The following DHX15 variants were observed in gnomAD, a reference collection of about 807,000 sequenced individuals.
DHX15 encodes the protein ATP-dependent RNA helicase DHX15.
DHX15 carries 11 observed loss-of-function variants against 94.4 expected under a neutral mutation model. The ratio of observed to expected loss-of-function variants is 0.12; its 90% CI spans 0.07 to 0.19. The LOEUF (loss-of-function observed/expected upper bound fraction) is 0.19, where lower values mean the gene tolerates loss of function less well. Ranked by LOEUF, DHX15 falls within the 10% of genes least tolerant of loss-of-function variation. The probability of loss-of-function intolerance (pLI) is 1.00; values close to 1 mark genes in which losing one functional copy is unlikely to be tolerated. For missense variants in DHX15, 304 were observed against 988.5 expected (o/e 0.31, Z 9.29); for synonymous variants, 338 against 329.9 (o/e 1.02, Z -0.27).
At chr4:24,544,235 T>A (rs1295762517) in intron 6 of DHX15, among the ~76,000 whole-genome samples, 1 of 152,186 alleles carries the variant, frequency 6.6e-6, no homozygotes, top group Non-Finnish European at 1.5e-5. Flanking sequence ...TCAAATAGCT[T>A]TAAAAATCAT....
intron 11 of DHX15, among the ~76,000 whole-genome samples, chr4:24,535,005 G>A (rs1721165121): frequency 6.7e-6 from 1 of 149,758 alleles, no homozygotes. Context: ...GGCAATCAGT[G>A]ATTAAAGGCT....
intron 3 of DHX15, among the ~76,000 whole-genome samples, chr4:24,569,579 G>T (rs1351069648): frequency 1.9e-5 from 2 of 107,394 alleles, no homozygotes; most frequent in South Asian, 3.5e-4. Context: ...GCAACAGAGT[G>T]AGACTCCATC....
chr4:24,552,912 T>C (rs1317292126), intron 5 of DHX15, among the ~76,000 whole-genome samples: 2 of 152,238 alleles, frequency 1.3e-5, no homozygotes, highest in African/African-American at 4.8e-5. Context: ...CCGCACAAAG[T>C]TGTCTCAGAG....
At chr4:24,557,936 T>C (rs971958449) in intron 3 of DHX15, among the ~76,000 whole-genome samples, 3 of 151,378 alleles carry the variant, frequency 2.0e-5, no homozygotes, top group African/African-American at 7.3e-5. Flanking sequence ...ATTTGTGAGT[T>C]ACCTCTCTTA....
chr4:24,543,116 A>C (rs1721352168), intron 6 of DHX15, 90 bp from the exon 7 acceptor site: 1 of 770,250 alleles, frequency 1.3e-6, no homozygotes, highest in Non-Finnish European at 2.1e-6. Context: ...TCACTGACAC[A>C]AGGAATTTCA....
At chr4:24,583,769 C>T (rs1722535426) in intron 1 of DHX15, among the ~76,000 whole-genome samples, 1 of 152,098 alleles carries the variant, frequency 6.6e-6, no homozygotes, top group South Asian at 2.1e-4. Flanking sequence ...TTGCTGGCTT[C>T]TCTCAACTCC....
chr4:24,547,140 A>T (rs1462392938), intron 6 of DHX15, among the ~76,000 whole-genome samples: 1 of 152,228 alleles, frequency 6.6e-6, no homozygotes, highest in Non-Finnish European at 1.5e-5. Context: ...AAGCTACATC[A>T]GTGCTTTTCT....
At chr4:24,536,411 T>C (rs1291690560) in intron 11 of DHX15, among the ~76,000 whole-genome samples, 1 of 152,178 alleles carries the variant, frequency 6.6e-6, no homozygotes, top group Non-Finnish European at 1.5e-5. Flanking sequence ...AAGTTCCTGG[T>C]AACATAAAAT....
intron 3 of DHX15, among the ~76,000 whole-genome samples, chr4:24,559,085 G>A (rs999496069): frequency 6.6e-6 from 1 of 152,080 alleles, no homozygotes; most frequent in African/African-American, 2.4e-5. Context: ...AGATCGCCCT[G>A]AATTTAAGAG....
intron 6 of DHX15, among the ~76,000 whole-genome samples, chr4:24,545,618 TAC>T (rs537094504): frequency 5.3e-5 from 8 of 151,994 alleles, no homozygotes; most frequent in Non-Finnish European, 1.0e-4. Flanking sequence ...TAAGGCTAAA[TAC>T]ACACACACAC....
At chr4:24,541,760 A>T in intron 8 of DHX15, 113 bp downstream of exon 8, 1 of 1,100,058 alleles carries the variant, frequency 9.1e-7, no homozygotes. Context: ...GGAAAAGCTA[A>T]GGAGCTTTTA....
In DHX15 at chr4:24,584,551, C is replaced by T; in HGVS notation, c.-158G>A. On this transcript the variant is annotated 5_prime_UTR_variant, in exon 1 of 14. Transcript: ENST00000336812. Reference sequence around the variant, plus strand: ...CCAACAGCTAAAATGGCGGCGGCGACGAGGGCTGGGCCTGCGCGCGCGCGC... The same window carrying T: ...CCAACAGCTAAAATGGCGGCGGCGATGAGGGCTGGGCCTGCGCGCGCGCGC... The T allele has an allele frequency of 1.4e-6, 1 of 703,848 alleles. No homozygotes were observed. The highest frequency in any genetic ancestry group is 2.2e-5 in the South Asian group (1 of 45,752). 43.6% of individuals were successfully genotyped at this position (703,848 alleles called of 1,614,324 possible). A position where few individuals can be genotyped will look rare whatever the true frequency, so the allele number is the denominator to read the frequency against.
chr4:24,547,887 CTCTATGTA>C (rs1560765605), intron 6 of DHX15, among the ~76,000 whole-genome samples: 1 of 10,946 alleles, frequency 9.1e-5, no homozygotes, highest in African/African-American at 1.9e-4. Flanking sequence ...CTCTCTCTCT[CTCTATGTA>C]TGTATGTGTA....
At chr4:24,552,400 T>A (rs997072022) in intron 5 of DHX15, among the ~76,000 whole-genome samples, 5 of 152,242 alleles carry the variant, frequency 3.3e-5, no homozygotes, top group Non-Finnish European at 7.3e-5. Flanking sequence ...ATCACTCTTA[T>A]CTAATTACTA....
intron 4 of DHX15, 56 bp downstream of exon 4, chr4:24,556,194 AT>A: frequency 6.6e-7 from 1 of 1,504,434 alleles, no homozygotes. Context: ...TGTATTCCCC[AT>A]TTTTATGCCC....
chr4:24,562,321 A>G (rs907195053), intron 3 of DHX15, among the ~76,000 whole-genome samples: 1 of 152,186 alleles, frequency 6.6e-6, no homozygotes, highest in East Asian at 1.9e-4. Context: ...ACTGTTCTCC[A>G]TATTACCTAG....
intron 3 of DHX15, among the ~76,000 whole-genome samples, chr4:24,567,305 G>A (rs1722013333): frequency 6.6e-6 from 1 of 152,192 alleles, no homozygotes; most frequent in Non-Finnish European, 1.5e-5. Context: ...CAGGCTGGGC[G>A]TGGTGGCGGC....
chr4:24,578,500 T>C (rs1722331609), intron 1 of DHX15, among the ~76,000 whole-genome samples: 1 of 152,170 alleles, frequency 6.6e-6, no homozygotes, highest in Non-Finnish European at 1.5e-5. Flanking sequence ...ACAAAAAGGA[T>C]TCATGTTTCT....
intron 6 of DHX15, among the ~76,000 whole-genome samples, chr4:24,548,372 T>C (rs1577338705): frequency 6.6e-6 from 1 of 152,092 alleles, no homozygotes; most frequent in East Asian, 1.9e-4. Flanking sequence ...CTCAAACTCC[T>C]GACCTCGTGA....
Sources: allele counts gnomAD v4.1 joint callset (sites outside exome capture counted in the v4.1 genomes callset), GRCh38; gene constraint gnomAD v4.1.1; transcripts MANE v1.5; gene names NCBI Gene and HGNC (gene_info 2026-07-23, HGNC 2026-07-21).